NALF1: variants seen among roughly 807,000 people sequenced by gnomAD.
The protein encoded by NALF1 is family with sequence similarity 155 member A.
Under a neutral mutation model 48.4 loss-of-function variants are expected in NALF1, and 3 were observed. The observed-to-expected ratio is 0.06, with a 90% CI of 0.03 to 0.16. The LOEUF (loss-of-function observed/expected upper bound fraction) is 0.16. NALF1 is among the 10% of genes least tolerant of loss of function. The pLI, the probability that NALF1 is intolerant of heterozygous loss-of-function variation, is 1.00. For synonymous variants in NALF1, 262 were observed against 245.7 expected (o/e 1.07, Z -0.62); for missense variants, 526 against 571.5 (o/e 0.92, Z 0.81).
intron 1 of NALF1, among the ~76,000 whole-genome samples, chr13:107,325,214 A>C (rs1882328987): frequency 6.6e-6 from 1 of 152,208 alleles, no homozygotes. Context: ...AAAATGGCAT[A>C]ATCCAATATC....
intron 1 of NALF1, among the ~76,000 whole-genome samples, chr13:107,248,713 C>A (rs1435835940): frequency 6.6e-6 from 1 of 151,186 alleles, no homozygotes; most frequent in Non-Finnish European, 1.5e-5. Context: ...AGACACAGAA[C>A]ATTTTTATCC....
intron 1 of NALF1, among the ~76,000 whole-genome samples, chr13:107,493,804 G>T (rs1177114330): frequency 1.3e-5 from 2 of 152,122 alleles, no homozygotes; most frequent in Non-Finnish European, 2.9e-5. Flanking sequence ...TGAGAGGATG[G>T]CTTGAGCCCC....
chr13:107,848,379 C>A (rs926375514), intron 1 of NALF1, among the ~76,000 whole-genome samples: 1 of 152,102 alleles, frequency 6.6e-6, no homozygotes, highest in African/African-American at 2.4e-5. Context: ...GTTATAAATG[C>A]AGAGTAAATG....
At chr13:107,291,157 G>A (rs770790999) in intron 1 of NALF1, among the ~76,000 whole-genome samples, 3 of 151,434 alleles carry the variant, frequency 2.0e-5, no homozygotes, top group African/African-American at 2.4e-5. Flanking sequence ...AATCAAATAC[G>A]TAAAATCCTC....
intron 1 of NALF1, among the ~76,000 whole-genome samples, chr13:107,365,040 CCTT>C (rs1348999221): frequency 3.6e-4 from 46 of 129,400 alleles, no homozygotes; most frequent in African/African-American, 1.1e-3. Flanking sequence ...TCCTCCTCCT[CCTT>C]CTCTCTCTCC....
intron 1 of NALF1, among the ~76,000 whole-genome samples, chr13:107,399,704 G>A (rs890307771): frequency 6.6e-5 from 10 of 152,186 alleles, no homozygotes; most frequent in African/African-American, 2.2e-4. Context: ...GTAATGGTAT[G>A]CACTACCAAG....
chr13:107,633,521 T>C (rs998180331), intron 1 of NALF1, among the ~76,000 whole-genome samples: 1 of 151,944 alleles, frequency 6.6e-6, no homozygotes, highest in Non-Finnish European at 1.5e-5. Flanking sequence ...TCACTTATTT[T>C]ATTCCTGTCC....
chr13:107,472,429 C>T (rs1415125786), intron 1 of NALF1, among the ~76,000 whole-genome samples: 1 of 152,040 alleles, frequency 6.6e-6, no homozygotes, highest in Non-Finnish European at 1.5e-5. Context: ...AAGTATTGTT[C>T]CTGGGTGTGT....
chr13:107,182,554 G>C (rs1005000337), intron 2 of NALF1, among the ~76,000 whole-genome samples: 1 of 152,102 alleles, frequency 6.6e-6, no homozygotes, highest in African/African-American at 2.4e-5. Context: ...ACAGGTGTAA[G>C]TCACCACACT....
At chr13:107,302,442 T>G (rs1881855984) in intron 1 of NALF1, among the ~76,000 whole-genome samples, 1 of 152,156 alleles carries the variant, frequency 6.6e-6, no homozygotes, top group African/African-American at 2.4e-5. Context: ...TTCAAAATTT[T>G]TTTTTTCTCT....
At chr13:107,514,811 C>G (rs1342962030) in intron 1 of NALF1, among the ~76,000 whole-genome samples, 2 of 152,176 alleles carry the variant, frequency 1.3e-5, no homozygotes, top group Non-Finnish European at 2.9e-5. Flanking sequence ...TATCTGCTGG[C>G]TGTAGCCTGA....
At chr13:107,783,607 G>A (rs1268829431) in intron 1 of NALF1, among the ~76,000 whole-genome samples, 1 of 152,062 alleles carries the variant, frequency 6.6e-6, no homozygotes, top group Non-Finnish European at 1.5e-5. Context: ...GTCCACTCAG[G>A]GTTGAATGGA....
At position 107,816,622 on chromosome 13, in the gene NALF1, C is replaced by G. The variant is rs577873036; in HGVS notation, c.915+49060G>C. Among the ~76,000 whole-genome samples, 198 of 152,038 alleles carry G rather than the reference C, an allele frequency of 1.3e-3. 1 individual carries two copies. Among genetic ancestry groups the G allele is most frequent in the African/African-American group, 4.6e-3 (192 of 41,438 alleles). On this transcript the variant is annotated intron_variant, in intron 1 of 2. Transcript: ENST00000375915. Reference sequence around the variant, plus strand: ...TAAGATTTGGGTGAGGACACAGAGCCAAACCATATCAATAGGTGAATTATA... The same window carrying G: ...TAAGATTTGGGTGAGGACACAGAGCGAAACCATATCAATAGGTGAATTATA...
intron 1 of NALF1, among the ~76,000 whole-genome samples, chr13:107,357,972 A>G (rs1423204087): frequency 6.6e-6 from 1 of 152,172 alleles, no homozygotes; most frequent in Non-Finnish European, 1.5e-5. Context: ...TGATTTCAGT[A>G]TCCCATTTGG....
intron 1 of NALF1, among the ~76,000 whole-genome samples, chr13:107,680,974 C>CACAT (rs10679491): frequency 6.6e-6 from 1 of 151,688 alleles, no homozygotes. Context: ...TGTGTGTACA[C>CACAT]GTCATGTCAG....
Position 107,225,872 on chromosome 13 carries a change from G to A in NALF1, c.916-15117C>T, listed in dbSNP as rs115814119. Among the ~76,000 whole-genome samples, 404 of 152,044 alleles carry A rather than the reference G, an allele frequency of 2.7e-3. 4 individuals carry two copies. The highest frequency in any genetic ancestry group is 0.01 in the Middle Eastern group (3 of 294). On this transcript the variant is annotated intron_variant, in intron 1 of 2. Coordinates refer to ENST00000375915, the MANE Select transcript of NALF1 (RefSeq NM_001080396.3). ...GCACAGACGCACTTTCCATACATTA[G>A]GTCAGATGTCGTTAGCTTATCAAGG...
chr13:107,702,706 C>T (rs763764413), intron 1 of NALF1, among the ~76,000 whole-genome samples: 4 of 152,128 alleles, frequency 2.6e-5, no homozygotes, highest in Non-Finnish European at 5.9e-5. Flanking sequence ...CCCATCCTCA[C>T]AGTCCAACAG....
chr13:107,560,583 A>C (rs2138393042), intron 1 of NALF1, among the ~76,000 whole-genome samples: 1 of 152,240 alleles, frequency 6.6e-6, no homozygotes, highest in African/African-American at 2.4e-5. Flanking sequence ...TGTCATTTTA[A>C]ATGGAGAGCA....
At chr13:107,233,909 C>G (rs548423404) in intron 1 of NALF1, among the ~76,000 whole-genome samples, 54 of 152,294 alleles carry the variant, frequency 3.5e-4, no homozygotes, top group African/African-American at 1.3e-3. Flanking sequence ...GATTATTACA[C>G]CATGCAAGCT....
Sources: allele counts gnomAD v4.1 joint callset (sites outside exome capture counted in the v4.1 genomes callset), GRCh38; gene constraint gnomAD v4.1.1; transcripts MANE v1.5; gene names NCBI Gene and HGNC (gene_info 2026-07-23, HGNC 2026-07-21).